The following GYG1 variants were observed in gnomAD, a reference collection of about 807,000 sequenced individuals.
GYG1 encodes the protein glycogenin-1.
GYG1 carries 44 observed loss-of-function variants against 41.9 expected under a neutral mutation model. The ratio of observed to expected loss-of-function variants is 1.05; its 90% CI spans 0.83 to 1.35. The LOEUF (loss-of-function observed/expected upper bound fraction) is 1.35, where lower values mean the gene tolerates loss of function less well. Ranked by LOEUF, GYG1 falls within the 40% of genes most tolerant of loss-of-function variation. The pLI is 0.00. For synonymous variants in GYG1, 141 were observed against 158.1 expected, an observed-to-expected ratio of 0.89 and a Z score of 0.81; for missense variants, 429 against 418.9, an observed-to-expected ratio of 1.02 and a Z score of -0.21.
intron 4 of GYG1, chr3:149,008,224 T>C (rs1301487243): frequency 6.6e-6 from 1 of 152,250 alleles, no homozygotes; most frequent in African/African-American, 2.4e-5. Context: ...CTTTTACTTT[T>C]TGATTCTTTT....
At position 149,009,286 on chromosome 3, in the gene GYG1, AG is replaced by A; in HGVS notation, c.494del (p.Gly165AlafsTer3). 1 of 1,612,408 alleles carries A rather than the reference AG, an allele frequency of 6.2e-7. No individual in the cohort carries two copies. Among genetic ancestry groups the A allele is most frequent in the Non-Finnish European group, 8.5e-7 (1 of 1,178,382 alleles). ...ATTTTTTTCTTTTAGGTGGGGACCA[AG>A]GCATACTGAACACATTTTTTAGCAG... ...EQGSFDGGDQ[G>X]ILNTFFSSWA... On this transcript the variant is annotated frameshift_variant, in exon 5 of 8. Transcript: ENST00000345003. LOFTEE classifies it high-confidence loss of function.
At chr3:148,993,660 A>T (rs907005133) in intron 1 of GYG1, among the ~76,000 whole-genome samples, 1 of 152,178 alleles carries the variant, frequency 6.6e-6, no homozygotes, top group Non-Finnish European at 1.5e-5. Flanking sequence ...ACATACATAC[A>T]TACATTCCTG....
intron 5 of GYG1, 40 bp from the exon 6 acceptor site, chr3:149,024,013 C>T (rs2107921586): frequency 1.4e-6 from 2 of 1,410,878 alleles, no homozygotes; most frequent in South Asian, 1.2e-5. Context: ...TGTCAGTACT[C>T]AGAATCCACT....
chr3:148,996,720 GCT>G lies in GYG1; in HGVS notation c.319-19_319-18del. 6.2e-7 allele frequency: 1 copy of G among 1,607,370 alleles called. No individual in the cohort carries two copies. Among genetic ancestry groups the G allele is most frequent in the Non-Finnish European group, 8.5e-7 (1 of 1,173,880 alleles). On this transcript the variant is annotated intron_variant, in intron 3 of 7. Coordinates refer to ENST00000345003, the MANE Select transcript of GYG1 (RefSeq NM_004130.4). The stretch of plus-strand genomic sequence containing the variant: ...TCTGCAGCAAAAACATTTCTGTAAT[GCT>G]CTTTCTCCCCTTTGATCAGGTCCTA...
chr3:148,998,009 A>G (rs1480458679), intron 4 of GYG1, among the ~76,000 whole-genome samples: 1 of 152,244 alleles, frequency 6.6e-6, no homozygotes, highest in Non-Finnish European at 1.5e-5. Context: ...ATTCATTTTT[A>G]TTAATTGGTT....
chr3:148,997,043 T>A, intron 4 of GYG1, 139 bp downstream of exon 4: 1 of 693,006 alleles, frequency 1.4e-6, no homozygotes, highest in Non-Finnish European at 2.5e-6. Context: ...GTTGTGCTCT[T>A]CTGGGAAATA....
intron 5 of GYG1, among the ~76,000 whole-genome samples, chr3:149,016,714 T>G (rs1468039849): frequency 2.0e-5 from 3 of 152,188 alleles, no homozygotes; most frequent in Non-Finnish European, 4.4e-5. Context: ...AGGCCCCACC[T>G]CAGCAAGTCC....
At chr3:149,026,566 A>C in intron 7 of GYG1, 64 bp downstream of exon 7, 3 of 1,109,382 alleles carry the variant, frequency 2.7e-6, no homozygotes, top group South Asian at 2.5e-5. Context: ...CTGAGTCAAG[A>C]AGTCTTCATT....
Position 149,026,525 on chromosome 3 carries a change from C to T in GYG1, c.879+23C>T, listed in dbSNP as rs777718884. The T allele has an allele frequency of 4.7e-6, 7 of 1,498,506 alleles. No homozygotes were observed. The African/African-American group carries it at 8.3e-5, about 18-fold the overall frequency. 92.8% of individuals were successfully genotyped at this position (1,498,506 alleles called of 1,614,324 possible). ...AAGGTATGCAGAACTTAAAGATTAA[C>T]CCTAATTACTTTGTTCTCCCAATGT... On this transcript the variant is annotated intron_variant, in intron 7 of 7. Coordinates refer to ENST00000345003, the MANE Select transcript of GYG1 (RefSeq NM_004130.4).
Position 149,031,164 on chromosome 3 carries a change from AAAAAG to A in GYG1, c.*4241_*4245del, listed in dbSNP as rs1460685580. 10 of 152,456 alleles carry A rather than the reference AAAAAG, an allele frequency of 6.6e-5. No homozygotes were observed. Among genetic ancestry groups the A allele is most frequent in the African/African-American group, 1.4e-4 (6 of 41,404 alleles). 9.4% of individuals were successfully genotyped at this position (152,456 alleles called of 1,614,324 possible). A position where few individuals can be genotyped will look rare whatever the true frequency, so the allele number is the denominator to read the frequency against. ...TTGCTTATTAACAAAAAAGTAAAAA[AAAAAG>A]AAAAGAAAAAAGATGACTAATTCTA... On this transcript the variant is annotated 3_prime_UTR_variant, in exon 8 of 8. Coordinates refer to ENST00000345003, the MANE Select transcript of GYG1 (RefSeq NM_004130.4).
At chr3:149,021,945 C>G (rs1298152685) in intron 5 of GYG1, among the ~76,000 whole-genome samples, 2 of 152,198 alleles carry the variant, frequency 1.3e-5, no homozygotes, top group African/African-American at 4.8e-5. Flanking sequence ...TCAAAGCCTC[C>G]TCTCTGGCTC....
intron 4 of GYG1, among the ~76,000 whole-genome samples, chr3:149,002,594 A>G (rs943089310): frequency 2.0e-5 from 3 of 152,198 alleles, no homozygotes; most frequent in Admixed American, 6.5e-5. Flanking sequence ...GGGTTAATCT[A>G]ATGATCCTCA....
In GYG1 at chr3:148,994,175, C is replaced by T. The variant is rs1393722374; in HGVS notation, c.41C>T (p.Ala14Val). 6.2e-7 allele frequency: 1 copy of T among 1,613,624 alleles called. No homozygotes were observed. The highest frequency in any genetic ancestry group is 8.5e-7 in the Non-Finnish European group (1 of 1,179,670). The change falls in exon 2 of 8, where the codon GCC becomes GTC. Residue 14 changes from alanine to valine, a missense_variant. Ala to Val is a moderately conservative substitution (Grantham distance 64, BLOSUM62 0). Coordinates refer to ENST00000345003, the MANE Select transcript of GYG1 (RefSeq NM_004130.4). ...QAFVTLTTND[A>V]YAKGALVLGS... is the part of the protein sequence containing the mutation. ...TTTGTGACACTAACCACAAACGATGCCTACGCCAAAGGTGCCCTGGTCCTG... is the reference window on the plus strand; with the variant it reads ...TTTGTGACACTAACCACAAACGATGTCTACGCCAAAGGTGCCCTGGTCCTG...
At chr3:149,003,478 A>T (rs1348154793) in intron 4 of GYG1, among the ~76,000 whole-genome samples, 1 of 152,138 alleles carries the variant, frequency 6.6e-6, no homozygotes, top group South Asian at 2.1e-4. Flanking sequence ...GAGAGTTGGA[A>T]CCTATCTGAA....
rs71617496 is a variant in GYG1 at position 149,028,705 on chromosome 3, ATTT to A, written c.*1793_*1795del. 9.7e-5 allele frequency among the ~76,000 whole-genome samples: 13 copies of A among 133,738 alleles called. No individual in the cohort carries two copies. The highest frequency in any genetic ancestry group is 3.7e-4 in the African/African-American group (13 of 34,962). The allele number at this position is 133,738 out of a possible 152,430, so 87.7% of individuals were successfully genotyped here. Reference sequence around the variant, plus strand: ...GGTGGAAAAGCTGACATAGTTTTAAATTTTTTTTTTTTTTTTTTTTTTTCTTGA... The same window carrying A: ...GGTGGAAAAGCTGACATAGTTTTAAATTTTTTTTTTTTTTTTTTTTCTTGA... On this transcript the variant is annotated 3_prime_UTR_variant, in exon 8 of 8. Transcript: ENST00000345003.
intron 4 of GYG1, 48 bp from the exon 5 acceptor site, chr3:149,009,228 A>G: frequency 7.0e-7 from 1 of 1,427,616 alleles, no homozygotes; most frequent in East Asian, 2.3e-5. Flanking sequence ...TAAAATTATT[A>G]AACTGTCTAG....
chr3:148,997,741 A>G (rs1463551156), intron 4 of GYG1, among the ~76,000 whole-genome samples: 2 of 152,258 alleles, frequency 1.3e-5, no homozygotes, highest in Non-Finnish European at 2.9e-5. Context: ...GAGAAGAAGG[A>G]GGACATTCTC....
chr3:149,005,043 T>G (rs953114132), intron 4 of GYG1, among the ~76,000 whole-genome samples: 5 of 152,220 alleles, frequency 3.3e-5, no homozygotes, highest in Non-Finnish European at 7.3e-5. Flanking sequence ...TTAGATTTCT[T>G]TACTGCATTA....
chr3:149,001,407 T>TA (rs1257408279), intron 4 of GYG1: 1 of 152,236 alleles, frequency 6.6e-6, no homozygotes. Context: ...AGAGCTATTG[T>TA]TATGTCACTG....
Sources: gnomAD v4.1 joint callset for allele counts (sites outside exome capture counted in the v4.1 genomes callset) on GRCh38, gnomAD v4.1.1 for gene constraint, MANE v1.5 for transcripts, NCBI Gene and HGNC (gene_info 2026-07-23, HGNC 2026-07-21) for gene names.